Variants in OLA1 observed in about 807,000 individuals in gnomAD.
OLA1 encodes Obg like ATPase 1.
In OLA1, 14 loss-of-function variants were observed where a neutral mutation model predicts 48.4. That is an observed-to-expected ratio of 0.29 (90% CI 0.19 to 0.45). The LOEUF (loss-of-function observed/expected upper bound fraction) is 0.45, where lower values mean the gene tolerates loss of function less well. Among genes scored for constraint, OLA1 ranks in the 20% least tolerant of loss-of-function variants. The probability of loss-of-function intolerance (pLI) is 1.00; values close to 1 mark genes in which losing one functional copy is unlikely to be tolerated. For missense variants in OLA1, 325 were observed against 467.1 expected, an observed-to-expected ratio of 0.70 and a Z score of 2.80; for synonymous variants, 127 against 150.4, an observed-to-expected ratio of 0.84 and a Z score of 1.14.
intron 5 of OLA1, among the ~76,000 whole-genome samples, chr2:174,134,869 C>T (rs1250629142): frequency 6.6e-6 from 1 of 152,052 alleles, no homozygotes; most frequent in Admixed American, 6.5e-5. Flanking sequence ...ATGCCTAAGA[C>T]ATGGGAATGG....
intron 9 of OLA1, 58 bp from the exon 10 acceptor site, chr2:174,079,148 C>T (rs3754812): frequency 0.25 from 367,376 of 1,483,710 alleles, 58,847 homozygotes; most frequent in East Asian, 0.9. Flanking sequence ...ATTGTAAGCA[C>T]AGAGTTTCTT....
chr2:174,079,134 A>T, intron 9 of OLA1, 44 bp from the exon 10 acceptor site: 1 of 1,541,962 alleles, frequency 6.5e-7, no homozygotes, highest in Non-Finnish European at 8.7e-7. Context: ...ATTTAAGATG[A>T]CTGATTGTAA....
At chr2:174,093,913 G>C (rs978690685) in intron 7 of OLA1, among the ~76,000 whole-genome samples, 2 of 152,218 alleles carry the variant, frequency 1.3e-5, no homozygotes, top group African/African-American at 4.8e-5. Flanking sequence ...TAAGTTTATA[G>C]GGAGAGCCAC....
rs1018366169 is a variant in OLA1, at chr2:174,073,726, A to C, written c.*1700T>G. ...AAGTCCATGCAATTTACTTTGGAGA[A>C]GACCCAAAAGCAAGATATTTGATTC... On this transcript the variant is annotated 3_prime_UTR_variant, in exon 11 of 11. Transcript: ENST00000284719. The C allele has an allele frequency of 2.0e-5, 3 of 152,208 alleles. No individual in the cohort carries two copies. The highest frequency in any genetic ancestry group is 7.2e-5 in the African/African-American group (3 of 41,448). The allele number at this position is 152,208 out of a possible 1,614,324, so 9.4% of individuals were successfully genotyped here.
rs553334648 is a variant in OLA1 at position 174,164,915 on chromosome 2, C to A, written c.374-22915G>T. Among the ~76,000 whole-genome samples the A allele has an allele frequency of 1.3e-3, 196 of 152,250 alleles. 2 individuals are homozygous for A. Among genetic ancestry groups the A allele is most frequent in the African/African-American group, 3.9e-3 (164 of 41,548 alleles). On this transcript the variant is annotated intron_variant, in intron 4 of 10. Transcript: ENST00000284719. ...AACAAAGTCAGTCTTTTTCCTCTGA[C>A]AGATGTGAACTAAAAACCACATGGC...
At chr2:174,223,268 G>A in intron 3 of OLA1, 108 bp from the exon 4 acceptor site, 2 of 1,071,036 alleles carry the variant, frequency 1.9e-6, no homozygotes, top group South Asian at 1.7e-5. Context: ...CTAGAACAAT[G>A]GAACAATAAT....
chr2:174,199,840 T>C (rs1270242089), intron 4 of OLA1, among the ~76,000 whole-genome samples: 1 of 152,228 alleles, frequency 6.6e-6, no homozygotes, highest in African/African-American at 2.4e-5. Flanking sequence ...CACAATTATC[T>C]GAAAGGTTAT....
chr2:174,198,062 C>T (rs748093859), intron 4 of OLA1, among the ~76,000 whole-genome samples: 2 of 152,192 alleles, frequency 1.3e-5, no homozygotes, highest in Non-Finnish European at 2.9e-5. Context: ...CTCTCAGGTT[C>T]AAGCGATTCT....
At chr2:174,242,020 G>C (rs1310468722) in intron 2 of OLA1, among the ~76,000 whole-genome samples, 1 of 152,206 alleles carries the variant, frequency 6.6e-6, no homozygotes, top group African/African-American at 2.4e-5. Context: ...AAATTCTTGT[G>C]ACTAAATTCT....
chr2:174,103,312 G>C (rs1288033003), intron 7 of OLA1, among the ~76,000 whole-genome samples: 1 of 152,130 alleles, frequency 6.6e-6, no homozygotes, highest in Admixed American at 6.6e-5. Flanking sequence ...TTTTGTGACA[G>C]TGAAATTACA....
intron 4 of OLA1, among the ~76,000 whole-genome samples, chr2:174,197,435 T>G (rs199750218): frequency 0.29 from 44,089 of 151,088 alleles, 6,723 homozygotes; most frequent in Non-Finnish European, 0.35. Context: ...GTTTGTTGTT[T>G]TTTTTTTTTA....
chr2:174,212,511 AT>A (rs983914615), intron 4 of OLA1, among the ~76,000 whole-genome samples: 2 of 152,120 alleles, frequency 1.3e-5, no homozygotes, highest in African/African-American at 4.8e-5. Flanking sequence ...ATTTATGTTA[AT>A]TTTTTTCTTC....
chr2:174,111,717 C>T (rs371867887), intron 7 of OLA1, among the ~76,000 whole-genome samples: 3 of 152,268 alleles, frequency 2.0e-5, no homozygotes, highest in African/African-American at 7.2e-5. Flanking sequence ...CAAACACACA[C>T]AGTCTCACAC....
intron 5 of OLA1, among the ~76,000 whole-genome samples, chr2:174,140,520 A>G (rs992727604): frequency 9.9e-5 from 15 of 151,930 alleles, no homozygotes; most frequent in African/African-American, 3.4e-4. Flanking sequence ...GGCGTGCACC[A>G]CCACGCCTGG....
chr2:174,126,307 G>A (rs1048567925), intron 5 of OLA1, among the ~76,000 whole-genome samples: 1 of 151,822 alleles, frequency 6.6e-6, no homozygotes, highest in Non-Finnish European at 1.5e-5. Flanking sequence ...ACAATAAAAG[G>A]TTCCAGTTAA....
intron 4 of OLA1, among the ~76,000 whole-genome samples, chr2:174,212,327 T>C (rs1410337266): frequency 2.0e-5 from 3 of 152,132 alleles, no homozygotes; most frequent in African/African-American, 7.2e-5. Flanking sequence ...AAATGCAGTA[T>C]AAAAGACAAA....
chr2:174,193,338 C>T (rs561216769), intron 4 of OLA1, among the ~76,000 whole-genome samples: 64 of 152,284 alleles, frequency 4.2e-4, no homozygotes, highest in Non-Finnish European at 8.2e-4. Flanking sequence ...GATCCACCCA[C>T]CTCGGCCTCC....
chr2:174,219,839 C>T (rs1052439765), intron 4 of OLA1, among the ~76,000 whole-genome samples: 1 of 152,088 alleles, frequency 6.6e-6, no homozygotes, highest in African/African-American at 2.4e-5. Flanking sequence ...ATTTAAAATC[C>T]TTTATATTTA....
chr2:174,239,472 C>T (rs1443602216), intron 2 of OLA1, among the ~76,000 whole-genome samples: 1 of 151,968 alleles, frequency 6.6e-6, no homozygotes, highest in African/African-American at 2.4e-5. Flanking sequence ...AGACAAACCC[C>T]AAATGAGAGC....
Sources: gnomAD v4.1 joint callset for allele counts (sites outside exome capture counted in the v4.1 genomes callset) on GRCh38, gnomAD v4.1.1 for gene constraint, MANE v1.5 for transcripts, NCBI Gene and HGNC (gene_info 2026-07-23, HGNC 2026-07-21) for gene names.